Variants in PDE10A observed in about 807,000 individuals in gnomAD.
PDE10A encodes phosphodiesterase 10A.
PDE10A carries 39 observed loss-of-function variants against 97.7 expected under a neutral mutation model. That is an observed-to-expected ratio of 0.40 (90% CI 0.31 to 0.52). PDE10A has a LOEUF of 0.52. Among genes scored for constraint, PDE10A ranks in the 20% least tolerant of loss-of-function variants. The probability of loss-of-function intolerance (pLI) is 0.56; values close to 1 mark genes in which losing one functional copy is unlikely to be tolerated. For missense variants in PDE10A, 731 were observed against 1,047.8 expected (o/e 0.70, Z 4.17); for synonymous variants, 371 against 376.8 (o/e 0.98, Z 0.18).
Position 165,388,275 on chromosome 6 carries a change from A to G in PDE10A, c.2610+23T>C, listed in dbSNP as rs2128212847. 1 of 1,612,388 alleles carries G rather than the reference A, an allele frequency of 6.2e-7. No homozygotes were observed. Among genetic ancestry groups the G allele is most frequent in the Non-Finnish European group, 8.5e-7 (1 of 1,178,632 alleles). On this transcript the variant is annotated intron_variant, in intron 17 of 21. Coordinates refer to ENST00000539869, the MANE Select transcript of PDE10A (RefSeq NM_001385079.1). The surrounding 1 kb of genome is among the most constrained non-coding windows in gnomAD (Gnocchi z 4.0). ...CCCAGACAGCCCTTCAGACTAAGCG[A>G]GAGACGGCGTGCAGTGACTCACCTG... is the stretch of plus-strand genomic sequence containing the variant.
intron 1 of PDE10A, among the ~76,000 whole-genome samples, chr6:165,786,388 C>T (rs1778493715): frequency 6.6e-6 from 1 of 152,166 alleles, no homozygotes; most frequent in Non-Finnish European, 1.5e-5. Flanking sequence ...AGTTTGTGGA[C>T]ACACCAACAT....
At chr6:165,884,660 A>G (rs1304525262) in intron 1 of PDE10A, among the ~76,000 whole-genome samples, 4 of 152,230 alleles carry the variant, frequency 2.6e-5, no homozygotes, top group Non-Finnish European at 4.4e-5. Flanking sequence ...AAACTATTCA[A>G]TCCTGATATG....
At chr6:165,744,881 A>G (rs1226373939) in intron 1 of PDE10A, among the ~76,000 whole-genome samples, 1 of 151,874 alleles carries the variant, frequency 6.6e-6, no homozygotes, top group Admixed American at 6.6e-5. Context: ...TGAGTTACTT[A>G]TGTTTGATAA....
chr6:165,332,958 G>T lies in PDE10A; in HGVS notation c.*67C>A, dbSNP rs1443060367. 14 of 705,614 alleles carry T rather than the reference G, an allele frequency of 2.0e-5. No homozygotes were observed. Among genetic ancestry groups the T allele is most frequent in the Non-Finnish European group, 2.7e-5 (11 of 406,868 alleles). The allele number at this position is 705,614 out of a possible 1,614,324, so 43.7% of individuals were successfully genotyped here. On this transcript the variant is annotated 3_prime_UTR_variant, in exon 22 of 22. Transcript: ENST00000539869. ...GTTCCCCCCACCCCCCCCAAAAAAA[G>T]GAAAAGAATGTCAAAGAAGCAAGAT...
At chr6:165,362,166 G>C (rs1783465450) in intron 18 of PDE10A, among the ~76,000 whole-genome samples, 1 of 152,012 alleles carries the variant, frequency 6.6e-6, no homozygotes. Context: ...AAAGCAAACA[G>C]AAGTAAGCAA....
At chr6:165,501,530 G>C (rs1032794649) in intron 2 of PDE10A, among the ~76,000 whole-genome samples, 1 of 150,628 alleles carries the variant, frequency 6.6e-6, no homozygotes, top group Non-Finnish European at 1.5e-5. Flanking sequence ...CAGAGATCGC[G>C]CCACTGCACT....
intron 1 of PDE10A, among the ~76,000 whole-genome samples, chr6:165,808,601 T>C (rs1327135744): frequency 3.3e-5 from 5 of 152,228 alleles, no homozygotes; most frequent in Non-Finnish European, 7.3e-5. Context: ...AATTATGCTC[T>C]GTGGCGGGAG....
intron 1 of PDE10A, among the ~76,000 whole-genome samples, chr6:165,756,116 C>A (rs1221720039): frequency 3.9e-5 from 6 of 152,108 alleles, no homozygotes; most frequent in Non-Finnish European, 1.5e-5. Flanking sequence ...GATTAATTTG[C>A]AGAATTATTT....
intron 13 of PDE10A, among the ~76,000 whole-genome samples, 163 bp from the exon 14 acceptor site, chr6:165,396,622 T>C (rs1407091121): frequency 6.6e-6 from 1 of 152,216 alleles, no homozygotes; most frequent in Non-Finnish European, 1.5e-5. Context: ...TGTGCAGACA[T>C]GACTTTGCAG....
chr6:165,371,571 T>C (rs1420831697), intron 18 of PDE10A, among the ~76,000 whole-genome samples: 1 of 152,060 alleles, frequency 6.6e-6, no homozygotes, highest in Non-Finnish European at 1.5e-5. Flanking sequence ...GGAGCTGAAA[T>C]TGTGGCAATA....
chr6:165,912,099 T>A (rs541181858), intron 1 of PDE10A, among the ~76,000 whole-genome samples: 1 of 152,162 alleles, frequency 6.6e-6, no homozygotes, highest in African/African-American at 2.4e-5. Context: ...CTATAAATCA[T>A]CTATTATTTA....
intron 1 of PDE10A, among the ~76,000 whole-genome samples, chr6:165,578,654 A>AC (rs59340550): frequency 0.87 from 131,584 of 152,000 alleles, 58,218 homozygotes; most frequent in East Asian, 0.98. Flanking sequence ...AAATGCATTT[A>AC]CCCTTTTTGG....
At chr6:165,420,336 C>T (rs531486154) in intron 10 of PDE10A, among the ~76,000 whole-genome samples, 153 of 152,170 alleles carry the variant, frequency 1.0e-3, no homozygotes, top group Non-Finnish European at 1.8e-3. Context: ...CTATCTGGCC[C>T]TTTACAAAAA....
intron 1 of PDE10A, among the ~76,000 whole-genome samples, chr6:165,624,756 C>T (rs576508456): frequency 7.9e-5 from 12 of 152,318 alleles, no homozygotes; most frequent in African/African-American, 2.9e-4. Context: ...TTGCCTTCAA[C>T]ATGCTTATAG....
At chr6:165,864,989 C>T (rs1781000231) in intron 1 of PDE10A, among the ~76,000 whole-genome samples, 1 of 152,172 alleles carries the variant, frequency 6.6e-6, no homozygotes, top group Non-Finnish European at 1.5e-5. Context: ...AATATTTTTT[C>T]TATACAGTCT....
At chr6:165,826,785 A>G (rs1310648373) in intron 1 of PDE10A, among the ~76,000 whole-genome samples, 2 of 125,574 alleles carry the variant, frequency 1.6e-5, no homozygotes, top group Non-Finnish European at 3.4e-5. Context: ...GGGAGGGGGG[A>G]CGCACAGGGG....
At chr6:165,431,538 TA>T (rs1554261378) in intron 7 of PDE10A, 66 bp from the exon 8 acceptor site, 1 of 462,902 alleles carries the variant, frequency 2.2e-6, no homozygotes, top group Non-Finnish European at 3.6e-6. Flanking sequence ...ATACTATATA[TA>T]ATATACTATA....
At chr6:165,490,803 A>G (rs1780183916) in intron 2 of PDE10A, among the ~76,000 whole-genome samples, 1 of 152,134 alleles carries the variant, frequency 6.6e-6, no homozygotes, top group Non-Finnish European at 1.5e-5. Flanking sequence ...AAAAATACAC[A>G]TATTAGCTGA....
chr6:165,403,508 T>C (rs1786844368), intron 13 of PDE10A, among the ~76,000 whole-genome samples: 1 of 152,196 alleles, frequency 6.6e-6, no homozygotes, highest in Admixed American at 6.5e-5. Flanking sequence ...AAGATACAAG[T>C]AGTTTGACTT....
Sources: allele counts gnomAD v4.1 joint callset (sites outside exome capture counted in the v4.1 genomes callset), GRCh38; gene constraint gnomAD v4.1.1; non-coding constraint Gnocchi (gnomAD v3.1); transcripts MANE v1.5; gene names NCBI Gene and HGNC (gene_info 2026-07-23, HGNC 2026-07-21).